CYP2S1: variants seen among roughly 807,000 people sequenced by gnomAD.
The protein encoded by CYP2S1 is cytochrome P450 2S1.
A neutral mutation model predicts 43.5 loss-of-function variants in CYP2S1; 32 were observed. The ratio of observed to expected loss-of-function variants is 0.74; its 90% CI spans 0.56 to 0.99. CYP2S1 has a LOEUF of 0.99. Ranked by LOEUF, CYP2S1 falls within the 50% of genes least tolerant of loss-of-function variation. The pLI is 0.00. For missense variants in CYP2S1, 575 were observed against 673.9 expected, an observed-to-expected ratio of 0.85 and a Z score of 1.62; for synonymous variants, 283 against 302.9, an observed-to-expected ratio of 0.93 and a Z score of 0.68.
At position 41,205,889 on chromosome 19, in the gene CYP2S1, C is replaced by G; in HGVS notation, c.1165-69C>G. 5.7e-6 allele frequency: 9 copies of G among 1,565,840 alleles called. No homozygotes were observed. The South Asian group carries it at 1.1e-4, about 19-fold the overall frequency. On this transcript the variant is annotated intron_variant, in intron 7 of 8. Coordinates refer to ENST00000310054, the MANE Select transcript of CYP2S1 (RefSeq NM_030622.8). ...GTGTCCCTGGCACCCGAGACTTGTA[C>G]TCCACACTCGAGGACCAAATGGACT...
At chr19:41,204,111 T>G (rs2033530862) in intron 7 of CYP2S1, among the ~76,000 whole-genome samples, 1 of 152,158 alleles carries the variant, frequency 6.6e-6, no homozygotes, top group Non-Finnish European at 1.5e-5. Flanking sequence ...TCTGCCCGCT[T>G]CGGCCTCCCA....
At position 41,194,657 on chromosome 19, in the gene CYP2S1, G is replaced by A. The variant is rs2033388027; in HGVS notation, c.291G>A (p.Glu97=). ...AGGCCCTGGGAGGTCAGGCTGAGGA[G>A]TTCAGCGGCCGGGGAACCGTAGCGA... ...VREALGGQAE[E]FSGRGTVAML... is the part of the protein sequence containing the mutation. The change falls in exon 2 of 9, where the codon GAG becomes GAA. Residue 97 remains glutamate (E), a synonymous_variant. Transcript: ENST00000310054. 6.2e-7 allele frequency: 1 copy of A among 1,612,376 alleles called. No homozygotes were observed. The highest frequency in any genetic ancestry group is 1.3e-5 in the African/African-American group (1 of 74,972).
chr19:41,199,019 G>A lies in CYP2S1; in HGVS notation c.834+131G>A, dbSNP rs1397445999. 26 of 1,166,986 alleles carry A rather than the reference G, an allele frequency of 2.2e-5. No homozygotes were observed. The South Asian group carries it at 2.5e-4, about 11-fold the overall frequency. The allele number at this position is 1,166,986 out of a possible 1,614,324, so 72.3% of individuals were successfully genotyped here. ...TCTCTGCATGTCTCTGTGAGTATGA[G>A]TGTCTCTGTGCATGTGTGTGCATCC... On this transcript the variant is annotated intron_variant, in intron 5 of 8. Transcript: ENST00000310054.
chr19:41,199,980 A>C (rs1322908958), intron 5 of CYP2S1, among the ~76,000 whole-genome samples: 1 of 151,492 alleles, frequency 6.6e-6, no homozygotes, highest in Admixed American at 6.6e-5. Context: ...CAAAAAAAAA[A>C]AAAAAGAAAA....
chr19:41,204,370 T>C (rs2033534151), intron 7 of CYP2S1, among the ~76,000 whole-genome samples: 1 of 151,368 alleles, frequency 6.6e-6, no homozygotes, highest in African/African-American at 2.4e-5. Flanking sequence ...TCTTGACCCT[T>C]AGCCCCTGCT....
chr19:41,193,382 C>A lies in CYP2S1; in HGVS notation c.118C>A (p.Pro40Thr), dbSNP rs2033367010. ...GHLPPGPTPL[P>T]LLGNLLQLRP... Reference sequence around the variant, plus strand: ...CCTGCCCCCCGGGCCCACGCCGCTACCACTGCTGGGAAACCTCCTGCAGCT... The same window carrying A: ...CCTGCCCCCCGGGCCCACGCCGCTAACACTGCTGGGAAACCTCCTGCAGCT... Residue 40 changes from proline to threonine, a missense_variant, in exon 1 of 9, where the codon CCA becomes ACA. Physicochemically the swap from Pro to Thr is conservative, Grantham distance 38. This residue lies in a region of CYP2S1 where 353 missense variants were observed against 367.6 expected (regional missense o/e 0.96). Transcript: ENST00000310054. The A allele has an allele frequency of 1.3e-6, 2 of 1,531,818 alleles. No homozygotes were observed. Among genetic ancestry groups the A allele is most frequent in the Non-Finnish European group, 1.8e-6 (2 of 1,138,020 alleles). The allele number at this position is 1,531,818 out of a possible 1,614,324, so 94.9% of individuals were successfully genotyped here.
At position 41,198,461 on chromosome 19, in the gene CYP2S1, G is replaced by A; in HGVS notation, c.494-1G>A. The stretch of plus-strand genomic sequence containing the variant: ...TACCTCCCTGCCCCCATTCCCCCCA[G>A]GACGCCCATTCGATCCCTCCCTGCT... On this transcript the variant is annotated splice_acceptor_variant, in intron 3 of 8. Coordinates refer to ENST00000310054, the MANE Select transcript of CYP2S1 (RefSeq NM_030622.8). LOFTEE classifies it high-confidence loss of function. The surrounding 1 kb of genome is among the most constrained non-coding windows in gnomAD (Gnocchi z 4.9). 1.9e-6 allele frequency: 3 copies of A among 1,613,552 alleles called. No homozygotes were observed. The highest frequency in any genetic ancestry group is 1.3e-5 in the African/African-American group (1 of 74,994).
At position 41,207,227 on chromosome 19, in the gene CYP2S1, G is replaced by T. The variant is rs1345541181; in HGVS notation, c.*739G>T. On this transcript the variant is annotated 3_prime_UTR_variant, in exon 9 of 9. Transcript: ENST00000310054. The stretch of plus-strand genomic sequence containing the variant: ...TTCTACCAAATGCAAACACATCTGG[G>T]TCTGCGATTATGCACAGAGACTTTG... 2.4e-5 allele frequency: 6 copies of T among 252,354 alleles called. No homozygotes were observed. Among genetic ancestry groups the T allele is most frequent in the South Asian group, 1.6e-4 (3 of 19,054 alleles). The allele number at this position is 252,354 out of a possible 1,614,324, so 15.6% of individuals were successfully genotyped here. A position where few individuals can be genotyped will look rare whatever the true frequency, so the allele number is the denominator to read the frequency against.
At chr19:41,199,736 G>T (rs573015206) in intron 5 of CYP2S1, among the ~76,000 whole-genome samples, 93 of 151,992 alleles carry the variant, frequency 6.1e-4, no homozygotes, top group African/African-American at 2.2e-3. Flanking sequence ...AGGCCGAGAC[G>T]GGCGGATCAC....
rs532107319 is a variant in CYP2S1 at position 41,206,808 on chromosome 19, C to T, written c.*320C>T. 1.8e-6 allele frequency: 1 copy of T among 544,168 alleles called. No homozygotes were observed. The highest frequency in any genetic ancestry group is 3.5e-6 in the Non-Finnish European group (1 of 283,680). 33.7% of individuals were successfully genotyped at this position (544,168 alleles called of 1,614,324 possible). A position where few individuals can be genotyped will look rare whatever the true frequency, so the allele number is the denominator to read the frequency against. On this transcript the variant is annotated 3_prime_UTR_variant, in exon 9 of 9. Transcript: ENST00000310054. Reference sequence around the variant, plus strand: ...CCAACTCCCCTGGATCTGCAGCCCACACGTGGGAGTCTGGCTGTCACCTTC... The same window carrying T: ...CCAACTCCCCTGGATCTGCAGCCCATACGTGGGAGTCTGGCTGTCACCTTC...
At position 41,194,433 on chromosome 19, in the gene CYP2S1, G is replaced by C; in HGVS notation, c.178-111G>C. The C allele has an allele frequency of 2.9e-6, 4 of 1,362,832 alleles. No homozygotes were observed. In the South Asian group the frequency reaches 6.9e-5, roughly 23 times the overall value. 84.4% of individuals were successfully genotyped at this position (1,362,832 alleles called of 1,614,324 possible). Reference sequence around the variant, plus strand: ...CTGGGATGGGGGCAGGTTCCTGGTAGAGGGCGTAGAAGCTAGACCCGGTGG... The same window carrying C: ...CTGGGATGGGGGCAGGTTCCTGGTACAGGGCGTAGAAGCTAGACCCGGTGG... On this transcript the variant is annotated intron_variant, in intron 1 of 8. Transcript: ENST00000310054.
rs988265526 is a variant in CYP2S1, at chr19:41,205,461, C to T, written c.1165-497C>T. 8.6e-5 allele frequency among the ~76,000 whole-genome samples: 11 copies of T among 128,256 alleles called. No homozygotes were observed. The South Asian group carries it at 1.9e-3, about 22-fold the overall frequency. 84.1% of individuals were successfully genotyped at this position (128,256 alleles called of 152,430 possible). A position where few individuals can be genotyped will look rare whatever the true frequency, so the allele number is the denominator to read the frequency against. On this transcript the variant is annotated intron_variant, in intron 7 of 8. Transcript: ENST00000310054. ...CTTTCTTTTCTTTTTCTTTCTCTCT[C>T]TCTCTCTTTCTTCCTTTCTTCCTTC...
chr19:41,205,293 C>T (rs550700002), intron 7 of CYP2S1, among the ~76,000 whole-genome samples: 1 of 151,876 alleles, frequency 6.6e-6, no homozygotes, highest in Admixed American at 6.6e-5. Context: ...AAGATTTGAA[C>T]TCAGAGACTA....
chr19:41,194,221 G>C (rs2033379970), intron 1 of CYP2S1, among the ~76,000 whole-genome samples: 1 of 152,084 alleles, frequency 6.6e-6, no homozygotes. Flanking sequence ...GGATATTTGG[G>C]GGGCAGGGAG....
intron 5 of CYP2S1, among the ~76,000 whole-genome samples, chr19:41,200,394 A>G (rs1156289329): frequency 2.0e-5 from 3 of 150,608 alleles, no homozygotes; most frequent in Non-Finnish European, 4.4e-5. Flanking sequence ...TTTTTTTGAG[A>G]TGAAGTCTCA....
rs757107358 is a variant in CYP2S1 at position 41,205,380 on chromosome 19, TTCTCTC to T, written c.1165-570_1165-565del. Among the ~76,000 whole-genome samples, 22 of 127,758 alleles carry T rather than the reference TTCTCTC, an allele frequency of 1.7e-4. 1 individual carries two copies. The highest frequency in any genetic ancestry group is 5.7e-4 in the African/African-American group (22 of 38,420). The allele number at this position is 127,758 out of a possible 152,430, so 83.8% of individuals were successfully genotyped here. Reference sequence around the variant, plus strand: ...TTTCTTTCTTTCTTTCTTTCTTTCTTTCTCTCTCTCTCTTTCTTTCTCTCTTTCTTT... The same window carrying T: ...TTTCTTTCTTTCTTTCTTTCTTTCTTTCTCTCTTTCTTTCTCTCTTTCTTT... On this transcript the variant is annotated intron_variant, in intron 7 of 8. Coordinates refer to ENST00000310054, the MANE Select transcript of CYP2S1 (RefSeq NM_030622.8).
chr19:41,194,271 T>C (rs916091357), intron 1 of CYP2S1, among the ~76,000 whole-genome samples: 10 of 151,970 alleles, frequency 6.6e-5, no homozygotes, highest in Non-Finnish European at 1.3e-4. Context: ...TGCTTCTGGA[T>C]TGCCCAGCGT....
At chr19:41,205,342 T>TTTCTTTCTTTC (rs1555727533) in intron 7 of CYP2S1, among the ~76,000 whole-genome samples, 35 of 111,716 alleles carry the variant, frequency 3.1e-4, no homozygotes, top group East Asian at 1.6e-3. Context: ...TTCTTTCTTT[T>TTTCTTTCTTTC]TTTCTTTCTT....
chr19:41,203,026 G>A (rs991101383), intron 6 of CYP2S1, among the ~76,000 whole-genome samples: 1 of 151,944 alleles, frequency 6.6e-6, no homozygotes, highest in Non-Finnish European at 1.5e-5. Flanking sequence ...TCCTGAACCC[G>A]GGAGGCGGAG....
Sources: allele counts gnomAD v4.1 joint callset (sites outside exome capture counted in the v4.1 genomes callset), GRCh38; gene constraint gnomAD v4.1.1; regional missense constraint gnomAD v4.1.1; non-coding constraint Gnocchi (gnomAD v3.1); transcripts MANE v1.5; gene names NCBI Gene and HGNC (gene_info 2026-07-23, HGNC 2026-07-21).